IL2RB: variants seen among roughly 807,000 people sequenced by gnomAD.
IL2RB encodes interleukin 2 receptor subunit beta, also known as interleukin-2 receptor subunit beta.
In IL2RB, 17 loss-of-function variants were observed where a neutral mutation model predicts 44.2. That is an observed-to-expected ratio of 0.38 (90% CI 0.26 to 0.58). IL2RB has a LOEUF of 0.58. Among genes scored for constraint, IL2RB ranks in the 20% least tolerant of loss-of-function variants. The pLI, the probability that IL2RB is intolerant of heterozygous loss-of-function variation, is 0.63. For synonymous variants in IL2RB, 286 were observed against 297.9 expected, an observed-to-expected ratio of 0.96 and a Z score of 0.41; for missense variants, 624 against 685.5, an observed-to-expected ratio of 0.91 and a Z score of 1.00.
chr22:37,133,532 G>C (rs1018058728), intron 8 of IL2RB, among the ~76,000 whole-genome samples: 1 of 152,202 alleles, frequency 6.6e-6, no homozygotes, highest in Non-Finnish European at 1.5e-5. Flanking sequence ...GGGGAAAGTC[G>C]AGTGAGGTGA....
At chr22:37,133,096 C>T (rs1921512015) in intron 8 of IL2RB, among the ~76,000 whole-genome samples, 1 of 152,212 alleles carries the variant, frequency 6.6e-6, no homozygotes, top group South Asian at 2.1e-4. Flanking sequence ...GGTGGAGGCC[C>T]TCAAGGGCCA....
rs563722297 is a variant in IL2RB at position 37,143,918 on chromosome 22, T to C, written c.88+167A>G. On this transcript the variant is annotated intron_variant, in intron 2 of 9. Coordinates refer to ENST00000216223, the MANE Select transcript of IL2RB (RefSeq NM_000878.5). ...GTGTGTGTGTGTGTGTGTGTGTGTGTGCGCGCATTCATGCATGCATGCCAG... is the reference window on the plus strand; with the variant it reads ...GTGTGTGTGTGTGTGTGTGTGTGTGCGCGCGCATTCATGCATGCATGCCAG... Among the ~76,000 whole-genome samples the C allele has an allele frequency of 9.7e-4, 105 of 108,532 alleles. 1 individual carries two copies. The highest frequency in any genetic ancestry group is 3.0e-3 in the East Asian group (9 of 2,996). The allele number at this position is 108,532 out of a possible 152,430, so 71.2% of individuals were successfully genotyped here.
At chr22:37,154,482 T>G (rs1922605842), upstream of IL2RB, among the ~76,000 whole-genome samples, 1 of 152,056 alleles carries the variant, frequency 6.6e-6, no homozygotes, top group African/African-American at 2.4e-5. Context: ...TAATGGGATG[T>G]GGGAGGAAGT....
chr22:37,145,330 G>A (rs1028384829), intron 1 of IL2RB, among the ~76,000 whole-genome samples: 6 of 152,146 alleles, frequency 3.9e-5, no homozygotes, highest in Non-Finnish European at 8.8e-5. Flanking sequence ...GGAGGAAAGA[G>A]ACATGAAATC....
At chr22:37,161,764 T>G (rs1025891926) in intron 1 of IL2RB, 1 of 152,066 alleles carries the variant, frequency 6.6e-6, no homozygotes, top group Non-Finnish European at 1.5e-5. Flanking sequence ...GACCACAGGC[T>G]GGGAATATGA....
chr22:37,159,172 C>T (rs879726139), intron 1 of IL2RB, among the ~76,000 whole-genome samples: 4 of 152,032 alleles, frequency 2.6e-5, no homozygotes, highest in Non-Finnish European at 4.4e-5. Context: ...GGAAAAAGGA[C>T]GTGTGATGTT....
At chr22:37,135,732 G>A (rs1921656760) in intron 7 of IL2RB, among the ~76,000 whole-genome samples, 1 of 151,530 alleles carries the variant, frequency 6.6e-6, no homozygotes, top group East Asian at 1.9e-4. Flanking sequence ...GCTCCAGCTG[G>A]CTGCACCCCT....
chr22:37,172,552 C>T (rs1923325596), intron 1 of IL2RB, among the ~76,000 whole-genome samples: 1 of 152,086 alleles, frequency 6.6e-6, no homozygotes, highest in Non-Finnish European at 1.5e-5. Context: ...GCGAGGGGTC[C>T]CTGGAGAAGA....
rs181127334 is a variant in IL2RB, at chr22:37,147,482, T to C, written c.-34+2343A>G. 1.5e-4 allele frequency among the ~76,000 whole-genome samples: 23 copies of C among 152,392 alleles called. No individual in the cohort carries two copies. In the East Asian group the frequency reaches 4.2e-3, roughly 28 times the overall value. ...CTGAGCACATACTCTATGCTAGGCC[T>C]GGGGCCAAGTGCCTCACATATGCCA... On this transcript the variant is annotated intron_variant, in intron 1 of 9. Transcript: ENST00000216223.
At chr22:37,150,238 C>T (rs772984340), upstream of IL2RB, among the ~76,000 whole-genome samples, 1 of 152,036 alleles carries the variant, frequency 6.6e-6, no homozygotes, top group Non-Finnish European at 1.5e-5. Flanking sequence ...CACAGGCTAC[C>T]CAACACCTCT....
rs886997600 is a variant in IL2RB at position 37,128,515 on chromosome 22, C to T, written c.1237G>A (p.Gly413Arg). 8.1e-6 allele frequency: 13 copies of T among 1,612,108 alleles called. No individual in the cohort carries two copies. Among genetic ancestry groups the T allele is most frequent in the African/African-American group, 6.7e-5 (5 of 74,854 alleles). The part of the protein sequence containing the change: ...SSPQPLQPLS[G>R]EDDAYCTFPS... Reference sequence around the variant, plus strand: ...AAGGTGCAGTAGGCGTCGTCCTCCCCTGACAGAGGCTGCAGGGGTTGGGGG... The same window carrying T: ...AAGGTGCAGTAGGCGTCGTCCTCCCTTGACAGAGGCTGCAGGGGTTGGGGG... The change falls in exon 10 of 10, where the codon GGG becomes AGG. Residue 413 changes from glycine to arginine, a missense_variant. Around this residue, in one of 3 missense-constraint regions of IL2RB, gnomAD observed 291 missense variants for 275.5 expected, o/e 1.06. Transcript: ENST00000216223. This position sits in a 1 kb window ranked among gnomAD's most constrained non-coding sequence, Gnocchi z 4.5.
At chr22:37,172,820 C>T (rs1365343300) in intron 1 of IL2RB, among the ~76,000 whole-genome samples, 3 of 152,170 alleles carry the variant, frequency 2.0e-5, no homozygotes, top group African/African-American at 7.2e-5. Context: ...TGCAAGCTGG[C>T]TCCAGCCACC....
At chr22:37,142,194 G>A (rs954381926) in intron 4 of IL2RB, among the ~76,000 whole-genome samples, 25 of 152,214 alleles carry the variant, frequency 1.6e-4, no homozygotes, top group African/African-American at 5.5e-4. Context: ...AGGAGCAGAG[G>A]CAGAATGGCA....
rs549832196 is a variant in IL2RB at position 37,126,047 on chromosome 22, A to G, written c.*2049T>C. 39 of 152,294 alleles carry G rather than the reference A, an allele frequency of 2.6e-4. No homozygotes were observed. Among genetic ancestry groups the G allele is most frequent in the African/African-American group, 9.1e-4 (38 of 41,556 alleles). 9.4% of individuals were successfully genotyped at this position (152,294 alleles called of 1,614,324 possible). ...CGGATGTATAGATACATATGTCACAAATGATTAAGACTTAAAAAATGTAAC... is the reference window on the plus strand; with the variant it reads ...CGGATGTATAGATACATATGTCACAGATGATTAAGACTTAAAAAATGTAAC... On this transcript the variant is annotated 3_prime_UTR_variant, in exon 10 of 10. Coordinates refer to ENST00000216223, the MANE Select transcript of IL2RB (RefSeq NM_000878.5).
At chr22:37,137,237 C>A (rs1290516595) in intron 6 of IL2RB, among the ~76,000 whole-genome samples, 1 of 152,224 alleles carries the variant, frequency 6.6e-6, no homozygotes. Context: ...AATGAATAAG[C>A]AACAGGCCCG....
At chr22:37,136,426 T>G (rs1256689396) in intron 6 of IL2RB, 33 bp from the exon 7 acceptor site, 9 of 1,580,424 alleles carry the variant, frequency 5.7e-6, no homozygotes, top group Non-Finnish European at 7.7e-6. Flanking sequence ...AGCGCCCACC[T>G]CACCTCCCAT....
intron 3 of IL2RB, among the ~76,000 whole-genome samples, chr22:37,142,987 C>G (rs368285150): frequency 6.6e-6 from 1 of 151,908 alleles, no homozygotes; most frequent in Admixed American, 6.6e-5. Context: ...TGTGGTCTTC[C>G]TCTTCTCCCT....
At chr22:37,150,990 G>T (rs755712599), upstream of IL2RB, among the ~76,000 whole-genome samples, 4 of 152,134 alleles carry the variant, frequency 2.6e-5, no homozygotes, top group Non-Finnish European at 5.9e-5. Context: ...GGGCACTTAG[G>T]TTGCTTCCAA....
intron 1 of IL2RB, among the ~76,000 whole-genome samples, chr22:37,170,428 C>CA (rs1555899775): frequency 6.6e-6 from 1 of 151,996 alleles, no homozygotes; most frequent in African/African-American, 2.4e-5. Context: ...AGGCCAGCAG[C>CA]GGGGGCAGAC....
Sources: allele counts gnomAD v4.1 joint callset (sites outside exome capture counted in the v4.1 genomes callset), GRCh38; gene constraint gnomAD v4.1.1; regional missense constraint gnomAD v4.1.1; non-coding constraint Gnocchi (gnomAD v3.1); transcripts MANE v1.5; gene names NCBI Gene and HGNC (gene_info 2026-07-23, HGNC 2026-07-21).